Variants in IFRD1 observed in about 807,000 individuals in gnomAD.
The protein encoded by IFRD1 is interferon-related developmental regulator 1.
Under a neutral mutation model 52.9 loss-of-function variants are expected in IFRD1, and 35 were observed. That is an observed-to-expected ratio of 0.66 (90% CI 0.51 to 0.88). IFRD1 has a LOEUF of 0.88. Ranked by LOEUF, IFRD1 falls within the 40% of genes least tolerant of loss-of-function variation. The pLI is 0.00. For missense variants in IFRD1, 517 were observed against 550.8 expected (o/e 0.94, Z 0.61); for synonymous variants, 184 against 188.4 (o/e 0.98, Z 0.19).
In IFRD1 at chr7:112,462,124, T is replaced by G; in HGVS notation, c.742T>G (p.Trp248Gly). Residue 248 changes from tryptophan (W) to glycine (G), a missense_variant, in exon 7 of 12, where the codon TGG becomes GGG. Coordinates refer to ENST00000403825, the MANE Select transcript of IFRD1 (RefSeq NM_001550.4). ...TVLHISSLLA[W>G]TLLLTICPIN... ...GCTTCATATCAGCTCTCTTCTTGCA[T>G]GGACACTACTGCTGACCATATGCCC... 6.2e-7 allele frequency: 1 copy of G among 1,613,882 alleles called. No individual in the cohort carries two copies. Among genetic ancestry groups the G allele is most frequent in the Non-Finnish European group, 8.5e-7 (1 of 1,179,876 alleles).
chr7:112,451,049 C>T, intron 1 of IFRD1: 1 of 492,742 alleles, frequency 2.0e-6, no homozygotes, highest in Non-Finnish European at 3.7e-6. Context: ...TGTGTCGGGA[C>T]AGGGGCTGAC....
At chr7:112,432,007 G>A (rs993571186) in intron 1 of IFRD1, among the ~76,000 whole-genome samples, 6 of 152,080 alleles carry the variant, frequency 3.9e-5, no homozygotes, top group African/African-American at 9.7e-5. Flanking sequence ...TTGTGTTGGC[G>A]GTATGAACAC....
intron 8 of IFRD1, 62 bp from the exon 9 acceptor site, chr7:112,467,919 T>C (rs1230891961): frequency 1.4e-6 from 2 of 1,446,910 alleles, no homozygotes; most frequent in Non-Finnish European, 9.7e-7. Flanking sequence ...CTTTGTTAGC[T>C]CTATATGAGG....
intron 1 of IFRD1, among the ~76,000 whole-genome samples, chr7:112,425,177 G>GT (rs1433118186): frequency 2.6e-5 from 4 of 152,132 alleles, no homozygotes; most frequent in Non-Finnish European, 5.9e-5. Flanking sequence ...CCAAATGTCA[G>GT]TTTTTTATCT....
chr7:112,427,574 C>G (rs720639), intron 1 of IFRD1, among the ~76,000 whole-genome samples: 31,845 of 152,102 alleles, frequency 0.21, 3,402 homozygotes, highest in Middle Eastern at 0.31. Context: ...ATTGTAGAAA[C>G]GTAACTTGAT....
At position 112,475,751 on chromosome 7, in the gene IFRD1, T is replaced by G; in HGVS notation, c.*232T>G. The G allele has an allele frequency of 4.3e-6, 2 of 461,766 alleles. No homozygotes were observed. The highest frequency in any genetic ancestry group is 2.8e-5 in the South Asian group (1 of 35,862). The allele number at this position is 461,766 out of a possible 1,614,324, so 28.6% of individuals were successfully genotyped here. ...AGTATTTGTAATGTTTGGTCATAAT[T>G]TATTTATGAAGACAGCAAAAGACTG... On this transcript the variant is annotated 3_prime_UTR_variant, in exon 12 of 12. Coordinates refer to ENST00000403825, the MANE Select transcript of IFRD1 (RefSeq NM_001550.4).
intron 4 of IFRD1, chr7:112,457,449 T>C (rs142173568): frequency 1.9e-5 from 4 of 205,986 alleles, no homozygotes; most frequent in African/African-American, 2.3e-5. Flanking sequence ...TTCTAGAACT[T>C]TGTAATAGAA....
chr7:112,462,047 C>A lies in IFRD1; in HGVS notation c.665C>A (p.Ser222Tyr), dbSNP rs768313404. The A allele has an allele frequency of 1.4e-5, 23 of 1,612,998 alleles. No individual in the cohort carries two copies. In the South Asian group the frequency reaches 2.5e-4, roughly 18 times the overall value. ...TGTTTGGAAAATATCTTCACTAAAT[C>A]CTATCTCAAAGAGAAAGACACTACT... ...LECLENIFTK[S>Y]YLKEKDTTVI... The change falls in exon 7 of 12, where the codon TCC becomes TAC. Residue 222 changes from serine (S) to tyrosine (Y), a missense_variant. Coordinates refer to ENST00000403825, the MANE Select transcript of IFRD1 (RefSeq NM_001550.4).
intron 3 of IFRD1, 91 bp from the exon 4 acceptor site, chr7:112,456,823 A>G: frequency 8.4e-7 from 1 of 1,192,216 alleles, no homozygotes. Context: ...ATCTATACAT[A>G]GGTAAAGTTT....
At chr7:112,431,796 C>T (rs955145700) in intron 1 of IFRD1, among the ~76,000 whole-genome samples, 4 of 152,174 alleles carry the variant, frequency 2.6e-5, no homozygotes, top group African/African-American at 4.8e-5. Flanking sequence ...CTATTCATTA[C>T]GATCTTTTTG....
intron 8 of IFRD1, chr7:112,467,385 C>A (rs150767329): frequency 6.5e-6 from 1 of 153,028 alleles, no homozygotes; most frequent in South Asian, 2.0e-4. Flanking sequence ...TGCATAGCCA[C>A]GTTAACTGTG....
chr7:112,434,782 G>C (rs1372524973), intron 1 of IFRD1, among the ~76,000 whole-genome samples: 2 of 152,156 alleles, frequency 1.3e-5, no homozygotes, highest in African/African-American at 2.4e-5. Flanking sequence ...TTGGACCTCA[G>C]ATTATACTAA....
chr7:112,446,345 G>A (rs900574154), upstream of IFRD1: 13 of 197,762 alleles, frequency 6.6e-5, no homozygotes, highest in East Asian at 9.4e-4. Flanking sequence ...ACCTTCTTTC[G>A]CTTACGCTTA....
At chr7:112,452,682 A>T (rs1460324771) in intron 1 of IFRD1, among the ~76,000 whole-genome samples, 1 of 152,162 alleles carries the variant, frequency 6.6e-6, no homozygotes, top group Non-Finnish European at 1.5e-5. Flanking sequence ...GTACCTATAC[A>T]GGCCTCTGGT....
Position 112,462,316 on chromosome 7 carries a change from A to T in IFRD1, c.844A>T (p.Met282Leu). The change falls in exon 8 of 12, where the codon ATG becomes TTG. Residue 282 changes from methionine to leucine, a missense_variant. Met to Leu is a conservative substitution (Grantham distance 15). Transcript: ENST00000403825. ...PSLLSCDDVN[M>L]RIAAGESLAL... ...CCTCCTCTCTTGTGATGATGTAAACATGAGAATAGCTGCTGGTGAATCTTT... is the reference window on the plus strand; with the variant it reads ...CCTCCTCTCTTGTGATGATGTAAACTTGAGAATAGCTGCTGGTGAATCTTT... The T allele has an allele frequency of 3.1e-6, 5 of 1,613,874 alleles. No homozygotes were observed. The highest frequency in any genetic ancestry group is 4.2e-6 in the Non-Finnish European group (5 of 1,179,850).
At position 112,475,773 on chromosome 7, in the gene IFRD1, A is replaced by T. The variant is rs767778239; in HGVS notation, c.*254A>T. 1 of 410,740 alleles carries T rather than the reference A, an allele frequency of 2.4e-6. No individual in the cohort carries two copies. Among genetic ancestry groups the T allele is most frequent in the Non-Finnish European group, 4.4e-6 (1 of 229,676 alleles). 25.4% of individuals were successfully genotyped at this position (410,740 alleles called of 1,614,324 possible). ...AATTTATTTATGAAGACAGCAAAAG[A>T]CTGATTTCATGATGGGGAAAACAAT... is the stretch of plus-strand genomic sequence containing the variant. On this transcript the variant is annotated 3_prime_UTR_variant, in exon 12 of 12. Transcript: ENST00000403825.
chr7:112,464,389 T>C (rs1172452785), intron 8 of IFRD1, among the ~76,000 whole-genome samples: 1 of 152,140 alleles, frequency 6.6e-6, no homozygotes, highest in African/African-American at 2.4e-5. Context: ...ATGAGAGTTC[T>C]AGGTTAATGG....
intron 11 of IFRD1, among the ~76,000 whole-genome samples, chr7:112,475,068 C>G (rs967070259): frequency 6.6e-6 from 1 of 152,104 alleles, no homozygotes; most frequent in East Asian, 1.9e-4. Context: ...AAACGATTCT[C>G]CTGCCTCAGC....
At chr7:112,439,831 A>G (rs2117253010) in intron 1 of IFRD1, among the ~76,000 whole-genome samples, 1 of 152,308 alleles carries the variant, frequency 6.6e-6, no homozygotes, top group East Asian at 1.9e-4. Flanking sequence ...ATTATGACCC[A>G]ACCCCTGGAG....
Sources: gnomAD v4.1 joint callset for allele counts (sites outside exome capture counted in the v4.1 genomes callset) on GRCh38, gnomAD v4.1.1 for gene constraint, MANE v1.5 for transcripts, NCBI Gene and HGNC (gene_info 2026-07-23, HGNC 2026-07-21) for gene names.